The following TRAPPC12 variants were observed in gnomAD, a reference collection of about 807,000 sequenced individuals.
TRAPPC12 encodes TPR repeat protein 15.
In TRAPPC12, 61 loss-of-function variants were observed where a neutral mutation model predicts 69.2. That is an observed-to-expected ratio of 0.88 (90% confidence interval 0.72 to 1.09). The LOEUF is 1.09. TRAPPC12 is among the 50% of genes least tolerant of loss of function. The pLI is 0.00. For synonymous variants in TRAPPC12, 469 were observed against 438.9 expected (o/e 1.07, Z -0.86); for missense variants, 1,101 against 1,016.4 (o/e 1.08, Z -1.13).
intron 6 of TRAPPC12, chr2:3,454,782 T>G: frequency 6.6e-6 from 1 of 152,354 alleles, no homozygotes; most frequent in East Asian, 1.9e-4. Context: ...CCAGCGCAGC[T>G]TGTGCTGAGA....
intron 3 of TRAPPC12, among the ~76,000 whole-genome samples, chr2:3,416,256 G>T (rs1424497380): frequency 6.6e-6 from 1 of 152,064 alleles, no homozygotes; most frequent in African/African-American, 2.4e-5. Flanking sequence ...AGCTAAGCCT[G>T]CCCCACCAGC....
chr2:3,383,871 GTTTTTTTTTTTTT>G (rs34956958), intron 1 of TRAPPC12, among the ~76,000 whole-genome samples: 1 of 85,590 alleles, frequency 1.2e-5, no homozygotes, highest in Non-Finnish European at 2.3e-5. Context: ...GTTCAGTCTT[GTTTTTTTTTTTTT>G]TTTTTTTTTT....
intron 7 of TRAPPC12, chr2:3,458,528 G>A: frequency 3.4e-6 from 3 of 877,130 alleles, no homozygotes; most frequent in Non-Finnish European, 4.0e-6. Context: ...GTGTATGTGT[G>A]TGGTGTGTGG....
At chr2:3,448,567 T>C (rs1351297122) in intron 6 of TRAPPC12, among the ~76,000 whole-genome samples, 5 of 151,076 alleles carry the variant, frequency 3.3e-5, no homozygotes, top group African/African-American at 1.2e-4. Context: ...TTCCATTAGC[T>C]CCTCCTCCCG....
At position 3,388,383 on chromosome 2, in the gene TRAPPC12, C is replaced by T. The variant is rs1471246118; in HGVS notation, c.760C>T (p.Pro254Ser). The T allele has an allele frequency of 1.2e-6, 2 of 1,603,614 alleles. No individual in the cohort carries two copies. The highest frequency in any genetic ancestry group is 3.4e-5 in the Admixed American group (2 of 59,354). The part of the protein sequence containing the change: ...APASPPPLAV[P>S]GTEGRPEPVA... Reference sequence around the variant, plus strand: ...CGCCAGCCCGCCTCCCCTCGCTGTGCCCGGGACCGAGGGGCGCCCCGAACC... The same window carrying T: ...CGCCAGCCCGCCTCCCCTCGCTGTGTCCGGGACCGAGGGGCGCCCCGAACC... Residue 254 changes from proline to serine, a missense_variant, in exon 2 of 12, where the codon CCC (proline) becomes TCC (serine). Transcript: ENST00000324266.
intron 9 of TRAPPC12, among the ~76,000 whole-genome samples, chr2:3,471,831 G>C (rs1030758999): frequency 2.1e-5 from 3 of 144,598 alleles, no homozygotes; most frequent in Non-Finnish European, 4.4e-5. Context: ...CTTGGACTTG[G>C]GTCTGAGAGG....
intron 6 of TRAPPC12, chr2:3,456,854 C>T (rs11681665): frequency 0.015 from 4,413 of 295,328 alleles, 208 homozygotes; most frequent in African/African-American, 0.096. Context: ...GTTGGGATTA[C>T]AGGCTTGAGC....
At chr2:3,425,881 G>C (rs527520520) in intron 5 of TRAPPC12, among the ~76,000 whole-genome samples, 1 of 152,326 alleles carries the variant, frequency 6.6e-6, no homozygotes, top group East Asian at 1.9e-4. Flanking sequence ...TAGGTAAATA[G>C]ATGAACTAAA....
intron 6 of TRAPPC12, among the ~76,000 whole-genome samples, chr2:3,451,952 G>A (rs186113430): frequency 7.9e-5 from 12 of 152,298 alleles, no homozygotes; most frequent in Middle Eastern, 3.4e-3. Flanking sequence ...CCTGTGTGTT[G>A]ACCATCAGTT....
At chr2:3,411,455 AAAG>A (rs1662054739) in intron 3 of TRAPPC12, among the ~76,000 whole-genome samples, 1 of 152,248 alleles carries the variant, frequency 6.6e-6, no homozygotes, top group Non-Finnish European at 1.5e-5. Flanking sequence ...CTAAAAGAGA[AAAG>A]AAAAACTGAA....
At chr2:3,476,421 C>T (rs990369069) in intron 9 of TRAPPC12, among the ~76,000 whole-genome samples, 2 of 152,318 alleles carry the variant, frequency 1.3e-5, no homozygotes, top group African/African-American at 4.8e-5. Flanking sequence ...TCACCGAGGG[C>T]CTCATGAGGC....
chr2:3,460,245 G>T lies in TRAPPC12; in HGVS notation c.1604-18G>T. On this transcript the variant is annotated intron_variant, in intron 7 of 11. Coordinates refer to ENST00000324266, the MANE Select transcript of TRAPPC12 (RefSeq NM_016030.6). ...CTCGAATTTATTTGTGCACTTACAG[G>T]CTGCTCTTACCTTGTAGCCTCTATC... 4.6e-6 allele frequency: 4 copies of T among 873,106 alleles called. No individual in the cohort carries two copies. The East Asian group carries it at 9.6e-5, about 21-fold the overall frequency. 54.1% of individuals were successfully genotyped at this position (873,106 alleles called of 1,614,324 possible). A position where few individuals can be genotyped will look rare whatever the true frequency, so the allele number is the denominator to read the frequency against.
chr2:3,383,404 C>T (rs1409460926), intron 1 of TRAPPC12, among the ~76,000 whole-genome samples: 1 of 149,104 alleles, frequency 6.7e-6, no homozygotes, highest in Non-Finnish European at 1.5e-5. Context: ...GATCCCCCAC[C>T]CCCGCCCCGC....
chr2:3,475,164 T>G (rs1313612557), intron 9 of TRAPPC12, among the ~76,000 whole-genome samples: 1 of 152,174 alleles, frequency 6.6e-6, no homozygotes, highest in East Asian at 1.9e-4. Context: ...GGCACAGGTA[T>G]GATTCACTGC....
intron 2 of TRAPPC12, among the ~76,000 whole-genome samples, chr2:3,395,928 C>T (rs1025380714): frequency 5.9e-5 from 9 of 152,152 alleles, no homozygotes; most frequent in Non-Finnish European, 1.3e-4. Context: ...CGTGGTTTTG[C>T]CATGTTGGTC....
At chr2:3,455,700 CGAA>C (rs1361988089) in intron 6 of TRAPPC12, 1 of 152,140 alleles carries the variant, frequency 6.6e-6, no homozygotes, top group Non-Finnish European at 1.5e-5. Context: ...TTTTTATGGC[CGAA>C]GAGTACTCCA....
At chr2:3,479,004 C>T (rs1223884771) in intron 11 of TRAPPC12, 71 bp downstream of exon 11, 21 of 1,528,494 alleles carry the variant, frequency 1.4e-5, no homozygotes, top group East Asian at 1.1e-4. Context: ...CACCCACACA[C>T]GTCTCAGCAG....
chr2:3,448,651 G>T (rs13013145), intron 6 of TRAPPC12, among the ~76,000 whole-genome samples: 1,085 of 130,190 alleles, frequency 8.3e-3, no homozygotes, highest in Non-Finnish European at 0.013. Flanking sequence ...GTAGGGCGTG[G>T]AGAGCAGCCG....
chr2:3,472,860 A>G (rs942704522), intron 9 of TRAPPC12, among the ~76,000 whole-genome samples: 3 of 152,202 alleles, frequency 2.0e-5, no homozygotes, highest in African/African-American at 7.2e-5. Flanking sequence ...ACCAGGGACC[A>G]GGGTCAGGGT....
Sources: allele counts gnomAD v4.1 joint callset (sites outside exome capture counted in the v4.1 genomes callset), GRCh38; gene constraint gnomAD v4.1.1; transcripts MANE v1.5; gene names NCBI Gene and HGNC (gene_info 2026-07-23, HGNC 2026-07-21).